UBXN8: variants seen among roughly 807,000 people sequenced by gnomAD.
UBXN8 encodes UBX domain protein 8.
Under a neutral mutation model 32.1 loss-of-function variants are expected in UBXN8, and 27 were observed. The ratio of observed to expected loss-of-function variants is 0.84; its 90% CI spans 0.62 to 1.16. The LOEUF (loss-of-function observed/expected upper bound fraction) is 1.16, where lower values mean the gene tolerates loss of function less well. UBXN8 is among the 50% of genes most tolerant of loss of function. The pLI is 0.00. For missense variants in UBXN8, 306 were observed against 311.4 expected, an observed-to-expected ratio of 0.98 and a Z score of 0.13; for synonymous variants, 109 against 111.8, an observed-to-expected ratio of 0.98 and a Z score of 0.16.
intron 7 of UBXN8, among the ~76,000 whole-genome samples, chr8:30,765,416 G>A (rs867114060): frequency 4.6e-5 from 7 of 151,942 alleles, no homozygotes; most frequent in Admixed American, 1.3e-4. Flanking sequence ...TGGGATTACA[G>A]GCATGCACCA....
In UBXN8 at chr8:30,751,550, C is replaced by T. The variant is rs1235082399; in HGVS notation, c.211+32C>T. 9 of 1,518,726 alleles carry T rather than the reference C, an allele frequency of 5.9e-6. No homozygotes were observed. The Admixed American group carries it at 1.1e-4, about 19-fold the overall frequency. 94.1% of individuals were successfully genotyped at this position (1,518,726 alleles called of 1,614,324 possible). On this transcript the variant is annotated intron_variant, in intron 2 of 7. Coordinates refer to ENST00000265616, the MANE Select transcript of UBXN8 (RefSeq NM_005671.4). ...TTATTATTTATTCTACCCTTTTATA[C>T]CATTCTACTCAAATTTATTTATTCT...
intron 1 of UBXN8, among the ~76,000 whole-genome samples, chr8:30,738,504 C>CA (rs1224951475): frequency 1.3e-5 from 2 of 150,232 alleles, no homozygotes; most frequent in African/African-American, 4.9e-5. Flanking sequence ...ACTAAAAATA[C>CA]AAAAAAAATT....
At chr8:30,748,804 G>C (rs541292238) in intron 1 of UBXN8, among the ~76,000 whole-genome samples, 78 of 152,264 alleles carry the variant, frequency 5.1e-4, no homozygotes, top group African/African-American at 1.9e-3. Flanking sequence ...GCCTCCCAAA[G>C]TGCTGGGATT....
rs1400299798 is a variant in UBXN8, at chr8:30,762,882, T to C, written c.571-391T>C. Among the ~76,000 whole-genome samples, 754 of 152,294 alleles carry C rather than the reference T, an allele frequency of 5.0e-3. 4 individuals carry two copies. Among genetic ancestry groups the C allele is most frequent in the African/African-American group, 0.017 (686 of 41,568 alleles). Reference sequence around the variant, plus strand: ...TCTTCTCATTTTATAATGTCTTTTTTTTTTTTAAACAGAGTCTTGCTGTGT... The same window carrying C: ...TCTTCTCATTTTATAATGTCTTTTTCTTTTTTAAACAGAGTCTTGCTGTGT... On this transcript the variant is annotated intron_variant, in intron 6 of 7. Coordinates refer to ENST00000265616, the MANE Select transcript of UBXN8 (RefSeq NM_005671.4).
At position 30,738,871 on chromosome 8, in the gene UBXN8, G is replaced by A. The variant is rs181209964; in HGVS notation, c.622+5563G>A. On this transcript the variant is annotated intron_variant, in intron 1 of 1. Transcript: ENST00000522968. ...CACGGGAGGCTGAGGCAGGAGAATC[G>A]CTTGAACCTGGGAGACAGGGGTTAC... 7.2e-4 allele frequency among the ~76,000 whole-genome samples: 108 copies of A among 150,740 alleles called. 2 individuals carry two copies. The highest frequency in any genetic ancestry group is 2.5e-3 in the African/African-American group (104 of 41,364).
In UBXN8 at chr8:30,766,409, C is replaced by T. The variant is rs1806009047; in HGVS notation, c.*15C>T. ...AGACCAACTAGGAAAGAAGGGAGAG[C>T]TCCCTGTTTGCATGAAGTCAGTTAT... On this transcript the variant is annotated 3_prime_UTR_variant, in exon 8 of 8. Coordinates refer to ENST00000265616, the MANE Select transcript of UBXN8 (RefSeq NM_005671.4). 6.4e-7 allele frequency: 1 copy of T among 1,572,832 alleles called. No individual in the cohort carries two copies. The highest frequency in any genetic ancestry group is 1.3e-5 in the African/African-American group (1 of 74,112).
At chr8:30,739,497 T>C (rs1434891568), upstream of UBXN8, among the ~76,000 whole-genome samples, 2 of 152,164 alleles carry the variant, frequency 1.3e-5, no homozygotes, top group East Asian at 3.9e-4. Context: ...TAAGCCGAGA[T>C]TGTGCCACTG....
intron 1 of UBXN8, chr8:30,733,967 C>T (rs576470637): frequency 1.3e-5 from 2 of 152,318 alleles, no homozygotes; most frequent in East Asian, 3.9e-4. Context: ...ATTGATCTCC[C>T]AAGCTGTAGA....
intron 1 of UBXN8, 25 bp downstream of exon 1, chr8:30,744,302 C>G (rs375059200): frequency 4.6e-5 from 74 of 1,602,294 alleles, no homozygotes; most frequent in Non-Finnish European, 6.2e-5. Flanking sequence ...TTCCCTTCGA[C>G]AGTCACAGCT....
upstream of UBXN8, among the ~76,000 whole-genome samples, chr8:30,741,702 G>A (rs367848516): frequency 2.0e-5 from 3 of 151,958 alleles, no homozygotes; most frequent in South Asian, 2.1e-4. Context: ...CACCCACCTC[G>A]GCTTCCCAAA....
At chr8:30,729,353 T>C (rs1253697618), upstream of UBXN8, among the ~76,000 whole-genome samples, 1 of 152,236 alleles carries the variant, frequency 6.6e-6, no homozygotes, top group African/African-American at 2.4e-5. Flanking sequence ...TTGGTAAGAC[T>C]GGTCTTCGGA....
At chr8:30,745,007 T>C (rs1009532477) in intron 1 of UBXN8, among the ~76,000 whole-genome samples, 7 of 152,176 alleles carry the variant, frequency 4.6e-5, no homozygotes, top group African/African-American at 1.7e-4. Flanking sequence ...GTAGGCACTA[T>C]TATAATCCCC....
In UBXN8 at chr8:30,766,299, C is replaced by T. The variant is rs34990535; in HGVS notation, c.718C>T (p.Arg240Trp). The T allele has an allele frequency of 3.3e-3, 5,368 of 1,613,846 alleles. 9 individuals are homozygous for T. Among genetic ancestry groups the T allele is most frequent in the Non-Finnish European group, 4.1e-3 (4,855 of 1,179,790 alleles). Residue 240 changes from arginine (R) to tryptophan (W), a missense_variant, in exon 8 of 8, where the codon CGG becomes TGG. Coordinates refer to ENST00000265616, the MANE Select transcript of UBXN8 (RefSeq NM_005671.4). ...CAGCCTTTCTACTTCCTTTCCCAGA[C>T]GGCCTCTGGCAGTGGAGGGAGGCCA... Reference protein sequence around the residue: ...LYSLSTSFPRRPLAVEGGQSL... With the variant: ...LYSLSTSFPRWPLAVEGGQSL...
upstream of UBXN8, among the ~76,000 whole-genome samples, chr8:30,731,771 TC>T (rs1466432225): frequency 4.6e-5 from 7 of 152,118 alleles, no homozygotes; most frequent in Non-Finnish European, 1.0e-4. Context: ...CAGTACCTGG[TC>T]CCCAGAGAAG....
intron 4 of UBXN8, among the ~76,000 whole-genome samples, chr8:30,755,506 A>C (rs1413422199): frequency 6.6e-6 from 1 of 152,106 alleles, no homozygotes; most frequent in South Asian, 2.1e-4. Flanking sequence ...TAATCCCAGC[A>C]ATTTGGAAGG....
At chr8:30,739,468 T>C (rs990496846), upstream of UBXN8, among the ~76,000 whole-genome samples, 1 of 152,062 alleles carries the variant, frequency 6.6e-6, no homozygotes, top group African/African-American at 2.4e-5. Context: ...GGCGTGAACC[T>C]GGGAGGTGGA....
upstream of UBXN8, among the ~76,000 whole-genome samples, chr8:30,729,454 A>G (rs1804899206): frequency 1.3e-5 from 2 of 152,238 alleles, no homozygotes; most frequent in South Asian, 4.1e-4. Context: ...ACTTGACTTG[A>G]ATTGCTTGAC....
At chr8:30,761,078 A>G in intron 6 of UBXN8, 149 bp downstream of exon 6, 1 of 601,026 alleles carries the variant, frequency 1.7e-6, no homozygotes, top group Non-Finnish European at 2.8e-6. Context: ...TCTTTTTTAG[A>G]ACATAGAGAC....
At chr8:30,763,197 C>T in intron 6 of UBXN8, 76 bp from the exon 7 acceptor site, 3 of 1,439,130 alleles carry the variant, frequency 2.1e-6, no homozygotes, top group Non-Finnish European at 2.9e-6. Flanking sequence ...TTTTTAGCTG[C>T]TTAGCTGTTT....
Sources: allele counts gnomAD v4.1 joint callset (sites outside exome capture counted in the v4.1 genomes callset), GRCh38; gene constraint gnomAD v4.1.1; transcripts MANE v1.5; gene names NCBI Gene and HGNC (gene_info 2026-07-23, HGNC 2026-07-21).